The following CALN1 variants were observed in gnomAD, a reference collection of about 807,000 sequenced individuals.
CALN1 encodes calneuron 1.
In CALN1, 17 loss-of-function variants were observed where a neutral mutation model predicts 30.6. The ratio of observed to expected loss-of-function variants is 0.56; its 90% CI spans 0.38 to 0.83. The LOEUF is 0.83. Among genes scored for constraint, CALN1 ranks in the 40% least tolerant of loss-of-function variants. The probability of loss-of-function intolerance (pLI) is 0.00; values close to 1 mark genes in which losing one functional copy is unlikely to be tolerated. For synonymous variants in CALN1, 156 were observed against 131.4 expected (o/e 1.19, Z -1.28); for missense variants, 291 against 354.9 (o/e 0.82, Z 1.45).
intron 5 of CALN1, among the ~76,000 whole-genome samples, chr7:71,888,916 C>T (rs115912121): frequency 1.6e-4 from 25 of 152,270 alleles, no homozygotes; most frequent in African/African-American, 5.1e-4. Flanking sequence ...TGTTCACCTT[C>T]GATGTTCCCT....
chr7:72,351,799 A>T (rs1363809793), intron 2 of CALN1, among the ~76,000 whole-genome samples: 1 of 152,252 alleles, frequency 6.6e-6, no homozygotes, highest in African/African-American at 2.4e-5. Flanking sequence ...AAAAAGAAAT[A>T]GCAAGATGGT....
chr7:72,143,650 A>C (rs1323072499), intron 3 of CALN1, among the ~76,000 whole-genome samples: 4 of 152,190 alleles, frequency 2.6e-5, no homozygotes, highest in Non-Finnish European at 5.9e-5. Flanking sequence ...CCTCGAGAAG[A>C]GCAACTCCAA....
intron 2 of CALN1, among the ~76,000 whole-genome samples, chr7:72,388,019 G>A (rs1805345774): frequency 6.6e-6 from 1 of 152,138 alleles, no homozygotes; most frequent in African/African-American, 2.4e-5. Flanking sequence ...AGAGTTACTA[G>A]GTTGGTGCAA....
chr7:72,500,284 T>C, the CALN1 span, among the ~76,000 whole-genome samples: 1 of 108,992 alleles, frequency 9.2e-6, no homozygotes, highest in Non-Finnish European at 1.9e-5. Context: ...TTTTTTTTTT[T>C]TTTTTTTTTT....
chr7:72,383,580 G>A lies in CALN1; in HGVS notation c.119+19671C>T, dbSNP rs538723268. Among the ~76,000 whole-genome samples, 76 of 152,244 alleles carry A rather than the reference G, an allele frequency of 5.0e-4. No individual in the cohort carries two copies. The South Asian group carries it at 0.011, about 22-fold the overall frequency. ...CAGAGAGCAGGCCCTATGGGATGCC[G>A]TCTTCACTTCTGTCCCCAGCAGCTG... On this transcript the variant is annotated intron_variant, in intron 2 of 6. Transcript: ENST00000395275.
At chr7:72,320,834 C>CAAAAAAAAAAAA (rs56192893) in intron 2 of CALN1, among the ~76,000 whole-genome samples, 2 of 67,152 alleles carry the variant, frequency 3.0e-5, no homozygotes, top group Non-Finnish European at 5.6e-5. Context: ...GACTCCATCT[C>CAAAAAAAAAAAA]AAAAAAAAAA....
At chr7:72,483,072 G>A in the CALN1 span, among the ~76,000 whole-genome samples, 1 of 151,942 alleles carries the variant, frequency 6.6e-6, no homozygotes, top group Non-Finnish European at 1.5e-5. Flanking sequence ...TTTGTTCCTT[G>A]CAAGAAAGCC....
intron 2 of CALN1, among the ~76,000 whole-genome samples, chr7:72,360,559 G>A (rs921477570): frequency 4.0e-5 from 6 of 151,222 alleles, no homozygotes; most frequent in African/African-American, 1.5e-4. Flanking sequence ...GGAATGAAAC[G>A]ATAGCATTAG....
At chr7:72,324,559 A>AAGTT (rs1554371412) in intron 2 of CALN1, among the ~76,000 whole-genome samples, 31 of 129,870 alleles carry the variant, frequency 2.4e-4, no homozygotes, top group African/African-American at 8.4e-4. Context: ...TAAATGATGT[A>AAGTT]ATTTATTTAT....
chr7:72,280,738 T>C (rs576404568), intron 2 of CALN1, among the ~76,000 whole-genome samples: 24 of 152,290 alleles, frequency 1.6e-4, no homozygotes, highest in African/African-American at 5.8e-4. Context: ...TAATCCCCAA[T>C]GCAACAGTGT....
intron 4 of CALN1, among the ~76,000 whole-genome samples, chr7:72,071,088 T>C (rs1483457606): frequency 6.6e-6 from 1 of 152,200 alleles, no homozygotes; most frequent in Non-Finnish European, 1.5e-5. Flanking sequence ...AGGGAAAGGC[T>C]TGGTTGGTAA....
intron 2 of CALN1, among the ~76,000 whole-genome samples, chr7:72,342,683 G>A (rs796466799): frequency 9.9e-5 from 15 of 152,148 alleles, no homozygotes; most frequent in African/African-American, 3.4e-4. Context: ...ACACAAATCA[G>A]ACACCAAGAC....
the CALN1 span, among the ~76,000 whole-genome samples, chr7:72,492,538 T>C: frequency 7.0e-6 from 1 of 142,226 alleles, no homozygotes; most frequent in African/African-American, 2.6e-5. Flanking sequence ...AGCAAGGCCT[T>C]GCCACCTGTG....
At chr7:72,065,531 AAAGC>A (rs759364291) in intron 4 of CALN1, among the ~76,000 whole-genome samples, 1 of 152,130 alleles carries the variant, frequency 6.6e-6, no homozygotes, top group Non-Finnish European at 1.5e-5. Context: ...TCTTCTCTAT[AAAGC>A]AAGCATCCCC....
intron 3 of CALN1, among the ~76,000 whole-genome samples, chr7:72,207,780 G>A (rs756807172): frequency 6.6e-6 from 1 of 152,138 alleles, no homozygotes. Context: ...ATGACAGGTG[G>A]AACTCTGGGC....
intron 5 of CALN1, among the ~76,000 whole-genome samples, chr7:71,893,590 C>T (rs576244889): frequency 2.9e-4 from 44 of 151,766 alleles, no homozygotes; most frequent in African/African-American, 9.7e-4. Context: ...ACTTGGGAGG[C>T]TGAGGATGGA....
At chr7:72,060,458 G>A (rs1444605810) in intron 4 of CALN1, among the ~76,000 whole-genome samples, 1 of 152,146 alleles carries the variant, frequency 6.6e-6, no homozygotes, top group East Asian at 1.9e-4. Flanking sequence ...GGAGAGTGAA[G>A]AGGTTGGCAA....
At chr7:72,281,672 C>T (rs754653830) in intron 2 of CALN1, among the ~76,000 whole-genome samples, 46 of 152,270 alleles carry the variant, frequency 3.0e-4, no homozygotes, top group Non-Finnish European at 5.9e-4. Flanking sequence ...CCACTAAGGT[C>T]GGTACAAAAA....
At chr7:71,848,491 G>A (rs1488925403) in intron 5 of CALN1, among the ~76,000 whole-genome samples, 1 of 152,114 alleles carries the variant, frequency 6.6e-6, no homozygotes, top group Non-Finnish European at 1.5e-5. Context: ...AAACCCCGTA[G>A]AATATTGCAA....
Sources: allele counts gnomAD v4.1 joint callset (sites outside exome capture counted in the v4.1 genomes callset), GRCh38; gene constraint gnomAD v4.1.1; transcripts MANE v1.5; gene names NCBI Gene and HGNC (gene_info 2026-07-23, HGNC 2026-07-21).